The following CUL1 variants were observed in gnomAD, a reference collection of about 807,000 sequenced individuals.
The protein encoded by CUL1 is cullin-1.
A neutral mutation model predicts 118.0 loss-of-function variants in CUL1; 24 were observed. The ratio of observed to expected loss-of-function variants is 0.20; its 90% confidence interval spans 0.15 to 0.29. The LOEUF (loss-of-function observed/expected upper bound fraction) is 0.29. CUL1 is among the 10% of genes least tolerant of loss of function. The probability of loss-of-function intolerance (pLI) is 1.00; values close to 1 mark genes in which losing one functional copy is unlikely to be tolerated. For synonymous variants in CUL1, 332 were observed against 340.4 expected (o/e 0.98, Z 0.27); for missense variants, 361 against 933.8 (o/e 0.39, Z 7.99).
intron 2 of CUL1, among the ~76,000 whole-genome samples, chr7:148,736,953 T>C (rs1420446135): frequency 6.6e-6 from 1 of 152,232 alleles, no homozygotes; most frequent in Non-Finnish European, 1.5e-5. Context: ...TGGACTTCTA[T>C]ATGAGTTTTT....
chr7:148,736,144 A>G (rs1030413132), intron 2 of CUL1, among the ~76,000 whole-genome samples: 1 of 152,192 alleles, frequency 6.6e-6, no homozygotes, highest in Admixed American at 6.5e-5. Flanking sequence ...ACTGCACTCC[A>G]GCCTGGGCAA....
chr7:148,798,562 T>G lies in CUL1; in HGVS notation c.2031-10T>G. On this transcript the variant is annotated splice_polypyrimidine_tract_variant and intron_variant, in intron 19 of 21. Transcript: ENST00000325222. ...ATAATAGTGATCGGTTTCCTCATTT[T>G]TCTTGATAGTAAGAAATTAAGGGTT... 1 of 1,603,204 alleles carries G rather than the reference T, an allele frequency of 6.2e-7. No individual in the cohort carries two copies. Among genetic ancestry groups the G allele is most frequent in the Non-Finnish European group, 8.5e-7 (1 of 1,170,038 alleles).
At chr7:148,718,775 T>G (rs1798302616) in intron 1 of CUL1, among the ~76,000 whole-genome samples, 2 of 152,186 alleles carry the variant, frequency 1.3e-5, no homozygotes, top group South Asian at 2.1e-4. Flanking sequence ...TGTGACAGAT[T>G]TATGTTGAGT....
rs1799797014 is a variant in CUL1 at position 148,760,598 on chromosome 7, G to T, written c.789+102G>T. 3 of 827,968 alleles carry T rather than the reference G, an allele frequency of 3.6e-6. No homozygotes were observed. The South Asian group carries it at 6.4e-5, about 18-fold the overall frequency. 51.3% of individuals were successfully genotyped at this position (827,968 alleles called of 1,614,324 possible). A position where few individuals can be genotyped will look rare whatever the true frequency, so the allele number is the denominator to read the frequency against. ...CAGCTTTCTTTACAAGTCATTTGTTGGGCATTGTTTTTCTAGAGTGTTTTT... is the reference window on the plus strand; with the variant it reads ...CAGCTTTCTTTACAAGTCATTTGTTTGGCATTGTTTTTCTAGAGTGTTTTT... On this transcript the variant is annotated intron_variant, in intron 7 of 21. Coordinates refer to ENST00000325222, the MANE Select transcript of CUL1 (RefSeq NM_003592.3).
At chr7:148,732,120 C>T (rs886216009) in intron 2 of CUL1, among the ~76,000 whole-genome samples, 1 of 152,068 alleles carries the variant, frequency 6.6e-6, no homozygotes, top group Non-Finnish European at 1.5e-5. Context: ...ATGCCCCCAA[C>T]AGGGTTCTGG....
intron 2 of CUL1, among the ~76,000 whole-genome samples, chr7:148,736,462 C>CA (rs1413404066): frequency 6.6e-6 from 1 of 152,106 alleles, no homozygotes; most frequent in Non-Finnish European, 1.5e-5. Flanking sequence ...CGCACACCAC[C>CA]ACACCTAATT....
chr7:148,747,356 C>T (rs1487347781), intron 2 of CUL1, among the ~76,000 whole-genome samples: 3 of 152,040 alleles, frequency 2.0e-5, no homozygotes, highest in African/African-American at 7.3e-5. Context: ...ATGCTCTGCA[C>T]AAAAGTAAGA....
At chr7:148,774,040 GAAATA>G (rs1172295123) in intron 9 of CUL1, among the ~76,000 whole-genome samples, 4 of 152,208 alleles carry the variant, frequency 2.6e-5, no homozygotes, top group East Asian at 1.9e-4. Flanking sequence ...CACAATACGT[GAAATA>G]AAATAAGATA....
chr7:148,787,952 C>T lies in CUL1; in HGVS notation c.1480-605C>T, dbSNP rs544932281. 2.0e-4 allele frequency among the ~76,000 whole-genome samples: 30 copies of T among 152,330 alleles called. No homozygotes were observed. The East Asian group carries it at 5.8e-3, about 29-fold the overall frequency. ...TGACGGAATACCATAGACCAGGTAGCTTAAACAACAGAAATAGTTTCTCAC... is the reference window on the plus strand; with the variant it reads ...TGACGGAATACCATAGACCAGGTAGTTTAAACAACAGAAATAGTTTCTCAC... On this transcript the variant is annotated intron_variant, in intron 13 of 21. Coordinates refer to ENST00000325222, the MANE Select transcript of CUL1 (RefSeq NM_003592.3). This position sits in a 1 kb window ranked among gnomAD's most constrained non-coding sequence, Gnocchi z 5.5.
chr7:148,698,532 G>A (rs1449196022), upstream of CUL1: 1 of 152,100 alleles, frequency 6.6e-6, no homozygotes, highest in African/African-American at 2.4e-5. Context: ...AGGGGCCGCA[G>A]GCTCGCAGGT....
intron 1 of CUL1, among the ~76,000 whole-genome samples, chr7:148,710,082 G>A (rs1004751938): frequency 6.6e-6 from 1 of 152,088 alleles, no homozygotes; most frequent in Non-Finnish European, 1.5e-5. Context: ...GTGAAACCCT[G>A]TGTCAAAAAT....
chr7:148,727,538 G>C (rs1463347407), intron 1 of CUL1, among the ~76,000 whole-genome samples: 1 of 152,196 alleles, frequency 6.6e-6, no homozygotes, highest in African/African-American at 2.4e-5. Context: ...GGTGAAGTCA[G>C]GGAGTTACAG....
Position 148,787,798 on chromosome 7 carries a change from C to T in CUL1, c.1479+678C>T, listed in dbSNP as rs7779159. Among the ~76,000 whole-genome samples the T allele has an allele frequency of 0.075, 11,408 of 152,240 alleles. 499 individuals carry two copies. The highest frequency in any genetic ancestry group is 0.1 in the African/African-American group (4,337 of 41,530). ...TCTGGGCTTGGTTACTTTGCTGTCA[C>T]GCAGCCCTTCCTCTGCCACCTCCTT... On this transcript the variant is annotated intron_variant, in intron 13 of 21. Coordinates refer to ENST00000325222, the MANE Select transcript of CUL1 (RefSeq NM_003592.3). This position sits in a 1 kb window ranked among gnomAD's most constrained non-coding sequence, Gnocchi z 5.5.
chr7:148,718,712 T>C (rs967752156), intron 1 of CUL1, among the ~76,000 whole-genome samples: 7 of 126,338 alleles, frequency 5.5e-5, no homozygotes, highest in African/African-American at 1.0e-4. Context: ...TTTGGGTGGA[T>C]GTATGATTTT....
chr7:148,759,503 C>G (rs762468822), intron 5 of CUL1, 45 bp from the exon 6 acceptor site: 6 of 1,373,288 alleles, frequency 4.4e-6, no homozygotes, highest in Non-Finnish European at 6.2e-6. Flanking sequence ...TAATATATAT[C>G]ATATTCTATA....
At chr7:148,756,940 T>G in intron 3 of CUL1, 43 bp from the exon 4 acceptor site, 1 of 1,377,736 alleles carries the variant, frequency 7.3e-7, no homozygotes, top group East Asian at 2.4e-5. Context: ...ATTTATAATG[T>G]GACAAATTAG....
At position 148,740,176 on chromosome 7, in the gene CUL1, C is replaced by G. The variant is rs530104240; in HGVS notation, c.140+9914C>G. ...CAAGTGATTCTCCTGCCTCAGCCTC[C>G]TGAGTAGCTGGGATTACAGACGCAC... On this transcript the variant is annotated intron_variant, in intron 2 of 21. Transcript: ENST00000325222. Among the ~76,000 whole-genome samples the G allele has an allele frequency of 2.0e-4, 30 of 152,186 alleles. No homozygotes were observed. The South Asian group carries it at 5.6e-3, about 28-fold the overall frequency.
chr7:148,797,895 G>A (rs1286200117), intron 18 of CUL1, 36 bp downstream of exon 18: 2 of 1,609,650 alleles, frequency 1.2e-6, no homozygotes, highest in Non-Finnish European at 8.5e-7. Context: ...ACTAGAAGAA[G>A]CCTTTTCCTG....
Position 148,800,496 on chromosome 7 carries a change from A to AC in CUL1, c.2251-3dup, listed in dbSNP as rs1563173498. The stretch of plus-strand genomic sequence containing the variant: ...CTACCTCTTCCTTTTTAAAAATAAC[A>AC]CCCAGAAATGCATTGACATTCTAAT... On this transcript the variant is annotated splice_region_variant and splice_polypyrimidine_tract_variant and intron_variant, in intron 21 of 21. Transcript: ENST00000325222. This position sits in a 1 kb window ranked among gnomAD's most constrained non-coding sequence, Gnocchi z 4.6. The AC allele has an allele frequency of 2.5e-6, 4 of 1,610,858 alleles. No homozygotes were observed. The highest frequency in any genetic ancestry group is 3.4e-6 in the Non-Finnish European group (4 of 1,177,192).
Sources: gnomAD v4.1 joint callset for allele counts (sites outside exome capture counted in the v4.1 genomes callset) on GRCh38, gnomAD v4.1.1 for gene constraint, Gnocchi (gnomAD v3.1) non-coding constraint, MANE v1.5 for transcripts, NCBI Gene and HGNC (gene_info 2026-07-23, HGNC 2026-07-21) for gene names.